The following GDI2 variants were observed in gnomAD, a reference collection of about 807,000 sequenced individuals.
The protein encoded by GDI2 is GDP dissociation inhibitor 2.
GDI2 carries 22 observed loss-of-function variants against 54.2 expected under a neutral mutation model. The ratio of observed to expected loss-of-function variants is 0.41; its 90% CI spans 0.29 to 0.58. The LOEUF is 0.58. Among genes scored for constraint, GDI2 ranks in the 20% least tolerant of loss-of-function variants. The pLI, the probability that GDI2 is intolerant of heterozygous loss-of-function variation, is 0.35. For synonymous variants in GDI2, 177 were observed against 182.1 expected, an observed-to-expected ratio of 0.97 and a Z score of 0.23; for missense variants, 422 against 546.0, an observed-to-expected ratio of 0.77 and a Z score of 2.26.
At chr10:5,795,413 G>A (rs1011000549) in intron 3 of GDI2, among the ~76,000 whole-genome samples, 8 of 152,076 alleles carry the variant, frequency 5.3e-5, no homozygotes, top group African/African-American at 1.4e-4. Context: ...GAGGCACCGC[G>A]CCTGGCCCAA....
At position 5,768,212 on chromosome 10, in the gene GDI2, C is replaced by A; in HGVS notation, c.991+1G>T. On this transcript the variant is annotated splice_donor_variant, in intron 8 of 10. Transcript: ENST00000380191. LOFTEE classifies it high-confidence loss of function. The surrounding 1 kb of genome is among the most constrained non-coding windows in gnomAD (Gnocchi z 4.4). Reference sequence around the variant, plus strand: ...AACATCTGCTGGTCTTCAAACCTCACCTGACTTTCGATTGACTTGGTTCTG... The same window carrying A: ...AACATCTGCTGGTCTTCAAACCTCAACTGACTTTCGATTGACTTGGTTCTG... The A allele has an allele frequency of 6.2e-7, 1 of 1,612,038 alleles. No homozygotes were observed. Among genetic ancestry groups the A allele is most frequent in the Non-Finnish European group, 8.5e-7 (1 of 1,178,236 alleles).
intron 4 of GDI2, among the ~76,000 whole-genome samples, chr10:5,791,782 G>A (rs1011406966): frequency 7.2e-5 from 11 of 151,770 alleles, no homozygotes; most frequent in African/African-American, 2.4e-4. Context: ...CAGGTGTGGT[G>A]GCGTGCGCCT....
intron 1 of GDI2, among the ~76,000 whole-genome samples, chr10:5,809,763 T>C (rs1356564279): frequency 6.6e-6 from 1 of 152,206 alleles, no homozygotes; most frequent in African/African-American, 2.4e-5. Flanking sequence ...TCCAATCAGG[T>C]ACCATGGGAG....
At chr10:5,772,441 T>C (rs1349586775) in intron 7 of GDI2, among the ~76,000 whole-genome samples, 1 of 152,136 alleles carries the variant, frequency 6.6e-6, no homozygotes, top group African/African-American at 2.4e-5. Context: ...CTAAAATATA[T>C]GTTCAAAAGA....
rs1840333699 is a variant in GDI2 at position 5,766,370 on chromosome 10, G to T, written c.1137-75C>A. On this transcript the variant is annotated intron_variant, in intron 9 of 10. Coordinates refer to ENST00000380191, the MANE Select transcript of GDI2 (RefSeq NM_001494.4). The surrounding 1 kb of genome is among the most constrained non-coding windows in gnomAD (Gnocchi z 5.8). Reference sequence around the variant, plus strand: ...TGGCTCTGCCTGAGGTCAACTGAGAGGTACAGATGAATCCCACAGAGCAGC... The same window carrying T: ...TGGCTCTGCCTGAGGTCAACTGAGATGTACAGATGAATCCCACAGAGCAGC... 3 of 1,476,348 alleles carry T rather than the reference G, an allele frequency of 2.0e-6. No homozygotes were observed. The highest frequency in any genetic ancestry group is 2.8e-5 in the African/African-American group (2 of 72,182). 91.5% of individuals were successfully genotyped at this position (1,476,348 alleles called of 1,614,324 possible).
chr10:5,811,854 G>A (rs1567707), intron 1 of GDI2: 1 of 727,562 alleles, frequency 1.4e-6, no homozygotes, highest in Non-Finnish European at 2.0e-6. Context: ...AGAAAAACAC[G>A]ATTCTAATTC....
intron 1 of GDI2, among the ~76,000 whole-genome samples, chr10:5,803,430 A>G (rs1056911607): frequency 6.6e-6 from 1 of 150,550 alleles, no homozygotes; most frequent in Non-Finnish European, 1.5e-5. Context: ...TCTCAATAAC[A>G]AAAAAAAAGT....
chr10:5,771,566 T>C (rs1588966705), intron 7 of GDI2, among the ~76,000 whole-genome samples: 4 of 152,078 alleles, frequency 2.6e-5, no homozygotes, highest in Middle Eastern at 6.8e-3. Flanking sequence ...TAAAAAAGTC[T>C]GTCATTATAG....
intron 2 of GDI2, among the ~76,000 whole-genome samples, chr10:5,799,708 A>G (rs1376830742): frequency 6.6e-6 from 1 of 152,214 alleles, no homozygotes; most frequent in Non-Finnish European, 1.5e-5. Context: ...ACAGCTACGT[A>G]AGAGATTACT....
intron 4 of GDI2, among the ~76,000 whole-genome samples, chr10:5,790,787 G>A (rs1431771698): frequency 1.3e-5 from 2 of 151,968 alleles, no homozygotes; most frequent in Admixed American, 1.3e-4. Flanking sequence ...ATCTCTGAAA[G>A]TGATCTAAGA....
chr10:5,803,083 G>A (rs923143188), intron 1 of GDI2, among the ~76,000 whole-genome samples: 1 of 152,180 alleles, frequency 6.6e-6, no homozygotes, highest in African/African-American at 2.4e-5. Context: ...ACTGAACACA[G>A]AAGCATGTAT....
intron 6 of GDI2, among the ~76,000 whole-genome samples, chr10:5,784,714 C>G (rs1230973622): frequency 6.6e-6 from 1 of 152,218 alleles, no homozygotes; most frequent in Admixed American, 6.5e-5. Context: ...TCTAGCCGCC[C>G]AGTGGAGATA....
intron 8 of GDI2, among the ~76,000 whole-genome samples, chr10:5,767,275 T>C (rs1473288405): frequency 6.6e-6 from 1 of 151,966 alleles, no homozygotes; most frequent in Non-Finnish European, 1.5e-5. Context: ...TTGTGGAAGA[T>C]TAAGTCCAGT....
intron 1 of GDI2, among the ~76,000 whole-genome samples, chr10:5,810,579 C>T (rs928943358): frequency 3.9e-5 from 6 of 152,170 alleles, no homozygotes; most frequent in Admixed American, 6.6e-5. Context: ...ACAAAGCTGG[C>T]GGGGTCTTCA....
Position 5,789,009 on chromosome 10 carries a change from C to T in GDI2, c.389-2959G>A, listed in dbSNP as rs55670517. On this transcript the variant is annotated intron_variant, in intron 4 of 10. Transcript: ENST00000380191. ...GTCAAACTCCTGACCTCAAGTGATC[C>T]GCCTGCCTCAGCCTCCCAAAGTGCT... Among the ~76,000 whole-genome samples, 1,457 of 152,236 alleles carry T rather than the reference C, an allele frequency of 9.6e-3. 28 individuals carry two copies. Among genetic ancestry groups the T allele is most frequent in the African/African-American group, 0.033 (1,384 of 41,530 alleles).
In GDI2 at chr10:5,765,950, T is replaced by C; in HGVS notation, c.*56A>G. ...GCCTTACAATATTGATTTCATTATA[T>C]GCATTATTTGCCAAATTTTAAATGT... On this transcript the variant is annotated 3_prime_UTR_variant, in exon 11 of 11. Transcript: ENST00000380191. 5 of 1,275,616 alleles carry C rather than the reference T, an allele frequency of 3.9e-6. No homozygotes were observed. Among genetic ancestry groups the C allele is most frequent in the Non-Finnish European group, 5.5e-6 (5 of 915,938 alleles). The allele number at this position is 1,275,616 out of a possible 1,614,324, so 79.0% of individuals were successfully genotyped here.
chr10:5,804,324 C>T (rs1483252466), intron 1 of GDI2, among the ~76,000 whole-genome samples: 1 of 152,128 alleles, frequency 6.6e-6, no homozygotes, highest in Non-Finnish European at 1.5e-5. Context: ...GAACTCCTGG[C>T]CTCAAGTGAT....
intron 2 of GDI2, among the ~76,000 whole-genome samples, chr10:5,800,121 T>C (rs750331966): frequency 1.1e-4 from 17 of 152,042 alleles, no homozygotes; most frequent in Non-Finnish European, 2.2e-4. Context: ...ACAATCAATA[T>C]ATTAAAACAC....
chr10:5,772,320 T>C (rs1252657498), intron 7 of GDI2, among the ~76,000 whole-genome samples: 1 of 152,220 alleles, frequency 6.6e-6, no homozygotes, highest in Non-Finnish European at 1.5e-5. Context: ...AACCTAGTAA[T>C]GTACATGTCA....
Sources: allele counts gnomAD v4.1 joint callset (sites outside exome capture counted in the v4.1 genomes callset), GRCh38; gene constraint gnomAD v4.1.1; non-coding constraint Gnocchi (gnomAD v3.1); transcripts MANE v1.5; gene names NCBI Gene and HGNC (gene_info 2026-07-23, HGNC 2026-07-21).